PTPRM: variants seen among roughly 807,000 people sequenced by gnomAD.
PTPRM encodes the protein receptor-type tyrosine-protein phosphatase mu.
In PTPRM, 47 loss-of-function variants were observed where a neutral mutation model predicts 186.7. The observed-to-expected ratio is 0.25, with a 90% confidence interval of 0.20 to 0.32. The LOEUF is 0.32. PTPRM is among the 10% of genes least tolerant of loss of function. PTPRM has a pLI of 1.00. For synonymous variants in PTPRM, 668 were observed against 674.9 expected (o/e 0.99, Z 0.16); for missense variants, 1,494 against 1,865.0 (o/e 0.80, Z 3.66).
intron 2 of PTPRM, among the ~76,000 whole-genome samples, chr18:7,831,267 G>A (rs9953514): frequency 0.027 from 4,081 of 152,018 alleles, 165 homozygotes; most frequent in African/African-American, 0.093. Flanking sequence ...GAGCAACTCT[G>A]CCTTTCTTAT....
intron 7 of PTPRM, among the ~76,000 whole-genome samples, chr18:8,012,371 G>A (rs546362930): frequency 6.6e-6 from 1 of 152,322 alleles, no homozygotes; most frequent in Admixed American, 6.5e-5. Flanking sequence ...CTCCAGAATG[G>A]TAACTTGGCA....
intron 1 of PTPRM, among the ~76,000 whole-genome samples, chr18:7,597,056 C>T (rs2037283114): frequency 1.3e-5 from 2 of 152,034 alleles, no homozygotes; most frequent in Admixed American, 1.3e-4. Flanking sequence ...GGTTTTGCCA[C>T]GTTGGCTAGG....
intron 1 of PTPRM, among the ~76,000 whole-genome samples, chr18:7,652,846 A>C (rs1354172403): frequency 6.6e-6 from 1 of 151,806 alleles, no homozygotes; most frequent in African/African-American, 2.4e-5. Flanking sequence ...TGGCACATGT[A>C]TACATATGTA....
intron 19 of PTPRM, among the ~76,000 whole-genome samples, chr18:8,283,325 T>C (rs1250766841): frequency 1.3e-5 from 2 of 152,252 alleles, no homozygotes; most frequent in East Asian, 1.9e-4. Context: ...AAAAGCTTTT[T>C]AAAATCTATT....
intron 7 of PTPRM, among the ~76,000 whole-genome samples, chr18:8,022,330 C>A (rs1279955233): frequency 6.6e-6 from 1 of 152,212 alleles, no homozygotes; most frequent in Non-Finnish European, 1.5e-5. Context: ...ATACTTCTTT[C>A]TTTTACCTGC....
At chr18:7,704,581 G>T (rs968511840) in intron 1 of PTPRM, among the ~76,000 whole-genome samples, 1 of 151,994 alleles carries the variant, frequency 6.6e-6, no homozygotes, top group African/African-American at 2.4e-5. Flanking sequence ...AGTCTGGCTA[G>T]TGGTCTCTCT....
At chr18:8,033,572 G>A (rs2086134881) in intron 7 of PTPRM, among the ~76,000 whole-genome samples, 2 of 152,148 alleles carry the variant, frequency 1.3e-5, no homozygotes, top group Admixed American at 6.5e-5. Context: ...GAAGGCAACT[G>A]TAACACAATG....
chr18:8,379,519 C>T (rs982849997), intron 28 of PTPRM, among the ~76,000 whole-genome samples, 179 bp downstream of exon 28: 3 of 152,118 alleles, frequency 2.0e-5, no homozygotes, highest in African/African-American at 4.8e-5. Context: ...GGCTGATATC[C>T]TTCGTTTCTC....
At chr18:7,682,387 A>G (rs780765157) in intron 1 of PTPRM, among the ~76,000 whole-genome samples, 1 of 152,224 alleles carries the variant, frequency 6.6e-6, no homozygotes, top group Admixed American at 6.5e-5. Context: ...TGTGCATTCC[A>G]TTTCTTAAAG....
intron 14 of PTPRM, among the ~76,000 whole-genome samples, chr18:8,238,129 G>C (rs749219098): frequency 6.6e-6 from 1 of 152,120 alleles, no homozygotes; most frequent in Non-Finnish European, 1.5e-5. Context: ...ATGTTTGGAA[G>C]ATAAATGACA....
chr18:8,143,923 A>G (rs909661618), intron 14 of PTPRM, 144 bp downstream of exon 14: 1 of 1,138,720 alleles, frequency 8.8e-7, no homozygotes, highest in Non-Finnish European at 1.3e-6. Flanking sequence ...ATTTTTCATC[A>G]TGTGGCATGG....
intron 2 of PTPRM, among the ~76,000 whole-genome samples, chr18:7,785,611 G>T (rs550158309): frequency 6.6e-6 from 1 of 152,188 alleles, no homozygotes; most frequent in African/African-American, 2.4e-5. Flanking sequence ...CACCGACTTC[G>T]TGTCATGCCA....
At chr18:7,897,075 A>G (rs1369958998) in intron 3 of PTPRM, among the ~76,000 whole-genome samples, 1 of 152,200 alleles carries the variant, frequency 6.6e-6, no homozygotes, top group Non-Finnish European at 1.5e-5. Flanking sequence ...TGTGTTCCAC[A>G]AATCCAGGGA....
intron 1 of PTPRM, among the ~76,000 whole-genome samples, chr18:7,688,174 A>C (rs776661929): frequency 4.6e-5 from 7 of 152,246 alleles, no homozygotes; most frequent in Non-Finnish European, 8.8e-5. Context: ...CGTATCTGCT[A>C]GTGTAAGCTA....
chr18:7,655,132 G>A (rs768602728), intron 1 of PTPRM, among the ~76,000 whole-genome samples: 11 of 152,156 alleles, frequency 7.2e-5, no homozygotes, highest in Non-Finnish European at 4.4e-5. Context: ...TTTGAGCAGT[G>A]TTTTGTAGTT....
chr18:7,736,360 C>T (rs1159953486), intron 1 of PTPRM, among the ~76,000 whole-genome samples: 1 of 152,056 alleles, frequency 6.6e-6, no homozygotes, highest in Non-Finnish European at 1.5e-5. Context: ...TGCTCTGTCA[C>T]CCAGGCTGGA....
At chr18:7,808,038 C>G (rs951185481) in intron 2 of PTPRM, among the ~76,000 whole-genome samples, 2 of 152,226 alleles carry the variant, frequency 1.3e-5, no homozygotes, top group African/African-American at 2.4e-5. Flanking sequence ...TGTGTCCCTG[C>G]GTCTTATGCA....
chr18:8,387,735 A>AGTGTGTGT (rs1555897050), intron 31 of PTPRM, among the ~76,000 whole-genome samples: 2 of 151,268 alleles, frequency 1.3e-5, no homozygotes, highest in African/African-American at 2.4e-5. Context: ...AAGGACCTGG[A>AGTGTGTGT]GTGTGTGTGT....
At chr18:8,121,050 T>C (rs1221115748) in intron 13 of PTPRM, among the ~76,000 whole-genome samples, 1 of 152,218 alleles carries the variant, frequency 6.6e-6, no homozygotes, top group Non-Finnish European at 1.5e-5. Context: ...AAATTATCTC[T>C]GTAATGCGTT....
Sources: allele counts gnomAD v4.1 joint callset (sites outside exome capture counted in the v4.1 genomes callset), GRCh38; gene constraint gnomAD v4.1.1; transcripts MANE v1.5; gene names NCBI Gene and HGNC (gene_info 2026-07-23, HGNC 2026-07-21).